Variants in IL2RA observed in about 807,000 individuals in gnomAD.
IL2RA encodes interleukin-2 receptor subunit alpha.
IL2RA carries 24 observed loss-of-function variants against 37.8 expected under a neutral mutation model. The ratio of observed to expected loss-of-function variants is 0.63; its 90% CI spans 0.46 to 0.89. The LOEUF (loss-of-function observed/expected upper bound fraction) is 0.89. IL2RA is among the 40% of genes least tolerant of loss of function. The pLI, the probability that IL2RA is intolerant of heterozygous loss-of-function variation, is 0.00. For synonymous variants in IL2RA, 125 were observed against 114.6 expected (o/e 1.09, Z -0.58); for missense variants, 319 against 348.6 (o/e 0.92, Z 0.68).
intron 1 of IL2RA, among the ~76,000 whole-genome samples, chr10:6,041,065 G>C (rs1262897167): frequency 1.3e-5 from 2 of 151,648 alleles, no homozygotes; most frequent in South Asian, 2.1e-4. Context: ...TTAATTAACT[G>C]TGGACTTTTA....
Position 6,056,601 on chromosome 10 carries a change from A to T in IL2RA, c.64+5487T>A, listed in dbSNP as rs1345880561. 6.6e-6 allele frequency among the ~76,000 whole-genome samples: 1 copy of T among 152,118 alleles called. No individual in the cohort carries two copies. The highest frequency in any genetic ancestry group is 2.4e-5 in the African/African-American group (1 of 41,424). ...AACCCCCTCTCTACTAAAATTACAA[A>T]AAAGGAGCCAGGCATGGTGGTGCAC... On this transcript the variant is annotated intron_variant, in intron 1 of 7. Coordinates refer to ENST00000379959, the MANE Select transcript of IL2RA (RefSeq NM_000417.3). The surrounding 1 kb of genome is among the most constrained non-coding windows in gnomAD (Gnocchi z 5.0).
chr10:6,055,826 CG>C (rs570963738), intron 1 of IL2RA, among the ~76,000 whole-genome samples: 212 of 1,926 alleles, frequency 0.11, 80 homozygotes, highest in African/African-American at 0.44. Flanking sequence ...GCTGGCCGGG[CG>C]GGGGGGCCGA....
rs545039404 is a variant in IL2RA, at chr10:6,022,698, C to T, written c.368-1005G>A. ...GGTCTCAGGATAAAAGGTTGTTTGACAGCCAGTACAATTCGTAACTGTCTG... is the reference window on the plus strand; with the variant it reads ...GGTCTCAGGATAAAAGGTTGTTTGATAGCCAGTACAATTCGTAACTGTCTG... On this transcript the variant is annotated intron_variant, in intron 3 of 7. Transcript: ENST00000379959. The surrounding 1 kb of genome is among the most constrained non-coding windows in gnomAD (Gnocchi z 4.7). Among the ~76,000 whole-genome samples, 1 of 152,356 alleles carries T rather than the reference C, an allele frequency of 6.6e-6. No homozygotes were observed. Among genetic ancestry groups the T allele is most frequent in the East Asian group, 1.9e-4 (1 of 5,190 alleles).
Position 6,012,586 on chromosome 10 carries a change from A to G in IL2RA, c.*286T>C, listed in dbSNP as rs1302918155. 3.7e-6 allele frequency: 2 copies of G among 547,234 alleles called. No individual in the cohort carries two copies. Among genetic ancestry groups the G allele is most frequent in the Admixed American group, 3.1e-5 (1 of 32,380 alleles). The allele number at this position is 547,234 out of a possible 1,614,324, so 33.9% of individuals were successfully genotyped here. A position where few individuals can be genotyped will look rare whatever the true frequency, so the allele number is the denominator to read the frequency against. The stretch of plus-strand genomic sequence containing the variant: ...TTCATGCTTTAATGAACACATATAC[A>G]TGAAAATAAGATGGAGAGTTCTAGT... On this transcript the variant is annotated 3_prime_UTR_variant, in exon 8 of 8. Transcript: ENST00000379959. This position sits in a 1 kb window ranked among gnomAD's most constrained non-coding sequence, Gnocchi z 4.8.
In IL2RA at chr10:6,035,472, G is replaced by C. The variant is rs1301912984; in HGVS notation, c.65-9447C>G. 6.6e-6 allele frequency among the ~76,000 whole-genome samples: 1 copy of C among 152,224 alleles called. No homozygotes were observed. The highest frequency in any genetic ancestry group is 1.5e-5 in the Non-Finnish European group (1 of 68,048). The stretch of plus-strand genomic sequence containing the variant: ...TCTGTTGCACACATGCTTAGTATCT[G>C]TCTCTCCCTTTGTTCCTGAGTGGTG... On this transcript the variant is annotated intron_variant, in intron 1 of 7. Transcript: ENST00000379959. This position sits in a 1 kb window ranked among gnomAD's most constrained non-coding sequence, Gnocchi z 5.4.
chr10:6,031,291 G>C (rs1839570508), intron 1 of IL2RA, among the ~76,000 whole-genome samples: 1 of 151,222 alleles, frequency 6.6e-6, no homozygotes, highest in South Asian at 2.1e-4. Flanking sequence ...AATCTACAAA[G>C]ATAAGCATAA....
At position 6,056,227 on chromosome 10, in the gene IL2RA, G is replaced by A. The variant is rs916768472; in HGVS notation, c.64+5861C>T. Among the ~76,000 whole-genome samples the A allele has an allele frequency of 3.3e-5, 5 of 152,176 alleles. No homozygotes were observed. The highest frequency in any genetic ancestry group is 5.9e-5 in the Non-Finnish European group (4 of 68,038). On this transcript the variant is annotated intron_variant, in intron 1 of 7. Transcript: ENST00000379959. This position sits in a 1 kb window ranked among gnomAD's most constrained non-coding sequence, Gnocchi z 5.0. Reference sequence around the variant, plus strand: ...CCATTCAGCAGCAGTTTCATCTCCCGTGTTAAACTGTGAGCACAAGAGGAT... The same window carrying A: ...CCATTCAGCAGCAGTTTCATCTCCCATGTTAAACTGTGAGCACAAGAGGAT...
chr10:6,051,282 C>G (rs905028164), intron 1 of IL2RA, among the ~76,000 whole-genome samples: 1 of 151,980 alleles, frequency 6.6e-6, no homozygotes, highest in African/African-American at 2.4e-5. Context: ...GTCACGCATG[C>G]AGCCGGGTGT....
chr10:6,013,892 C>T (rs1689917505), intron 7 of IL2RA, among the ~76,000 whole-genome samples: 1 of 145,390 alleles, frequency 6.9e-6, no homozygotes, highest in South Asian at 2.2e-4. Flanking sequence ...AGTGCAGTGG[C>T]ATGGTCACAG....
chr10:6,021,827 A>G lies in IL2RA; in HGVS notation c.368-134T>C. ...TTGCTCATCCTTTCATTCAACCAAT[A>G]TATGTTGAGAACGTCTGAGCGTGGG... On this transcript the variant is annotated intron_variant, in intron 3 of 7. Coordinates refer to ENST00000379959, the MANE Select transcript of IL2RA (RefSeq NM_000417.3). The surrounding 1 kb of genome is among the most constrained non-coding windows in gnomAD (Gnocchi z 4.9). The G allele has an allele frequency of 2.7e-6, 2 of 747,746 alleles. No homozygotes were observed. The highest frequency in any genetic ancestry group is 2.7e-5 in the East Asian group (1 of 37,556). The allele number at this position is 747,746 out of a possible 1,614,324, so 46.3% of individuals were successfully genotyped here. A position where few individuals can be genotyped will look rare whatever the true frequency, so the allele number is the denominator to read the frequency against.
In IL2RA at chr10:6,011,426, A is replaced by G. The variant is rs1296510516; in HGVS notation, c.*1446T>C. 6.6e-6 allele frequency: 1 copy of G among 152,306 alleles called. No homozygotes were observed. The highest frequency in any genetic ancestry group is 1.5e-5 in the Non-Finnish European group (1 of 68,052). 9.4% of individuals were successfully genotyped at this position (152,306 alleles called of 1,614,324 possible). A position where few individuals can be genotyped will look rare whatever the true frequency, so the allele number is the denominator to read the frequency against. On this transcript the variant is annotated 3_prime_UTR_variant, in exon 8 of 8. Coordinates refer to ENST00000379959, the MANE Select transcript of IL2RA (RefSeq NM_000417.3). This position sits in a 1 kb window ranked among gnomAD's most constrained non-coding sequence, Gnocchi z 5.2. ...CACACAAAACATTTGGCTCTATTCC[A>G]GACCAACAACTCAGAGACTCTGAAG...
rs1428384913 is a variant in IL2RA, at chr10:6,022,320, C to T, written c.368-627G>A. ...CCACACCTGAAGGTTGACACACATGCGCCCTTTCAAGACGTCTCAAAATTT... is the reference window on the plus strand; with the variant it reads ...CCACACCTGAAGGTTGACACACATGTGCCCTTTCAAGACGTCTCAAAATTT... On this transcript the variant is annotated intron_variant, in intron 3 of 7. Transcript: ENST00000379959. This position sits in a 1 kb window ranked among gnomAD's most constrained non-coding sequence, Gnocchi z 4.7. Among the ~76,000 whole-genome samples the T allele has an allele frequency of 6.6e-6, 1 of 152,170 alleles. No homozygotes were observed. The highest frequency in any genetic ancestry group is 6.5e-5 in the Admixed American group (1 of 15,278).
In IL2RA at chr10:6,021,743, A is replaced by G. The variant is rs778438730; in HGVS notation, c.368-50T>C. 3 of 1,505,690 alleles carry G rather than the reference A, an allele frequency of 2.0e-6. No homozygotes were observed. In the African/African-American group the frequency reaches 4.1e-5, roughly 21 times the overall value. 93.3% of individuals were successfully genotyped at this position (1,505,690 alleles called of 1,614,324 possible). A position where few individuals can be genotyped will look rare whatever the true frequency, so the allele number is the denominator to read the frequency against. On this transcript the variant is annotated intron_variant, in intron 3 of 7. Transcript: ENST00000379959. This position sits in a 1 kb window ranked among gnomAD's most constrained non-coding sequence, Gnocchi z 4.9. ...AAGGCAAGTTGGGGACAGCACCGCG[A>G]GTGAGTCCAGGTTGCCTCTTGCTAG...
rs1839203540 is a variant in IL2RA at position 6,012,371 on chromosome 10, A to C, written c.*501T>G. ...ATTAGGCAACGTGAACGGGAGAATC[A>C]GCAGTCAGAAGCGGCTGAGAAAGGA... On this transcript the variant is annotated 3_prime_UTR_variant, in exon 8 of 8. Coordinates refer to ENST00000379959, the MANE Select transcript of IL2RA (RefSeq NM_000417.3). The surrounding 1 kb of genome is among the most constrained non-coding windows in gnomAD (Gnocchi z 4.8). 6.2e-6 allele frequency: 1 copy of C among 161,944 alleles called. No homozygotes were observed. 10.0% of individuals were successfully genotyped at this position (161,944 alleles called of 1,614,324 possible). A position where few individuals can be genotyped will look rare whatever the true frequency, so the allele number is the denominator to read the frequency against.
Position 6,021,428 on chromosome 10 carries a change from G to T in IL2RA, c.583+50C>A. On this transcript the variant is annotated intron_variant, in intron 4 of 7. Coordinates refer to ENST00000379959, the MANE Select transcript of IL2RA (RefSeq NM_000417.3). The surrounding 1 kb of genome is among the most constrained non-coding windows in gnomAD (Gnocchi z 4.9). ...GTGGTCAGGGATTCCACTCTGGTCA[G>T]CCTGATGGAGCAAAGCAACATTGTG... 2 of 1,489,150 alleles carry T rather than the reference G, an allele frequency of 1.3e-6. No individual in the cohort carries two copies. The highest frequency in any genetic ancestry group is 1.9e-6 in the Non-Finnish European group (2 of 1,067,924). 92.2% of individuals were successfully genotyped at this position (1,489,150 alleles called of 1,614,324 possible). A position where few individuals can be genotyped will look rare whatever the true frequency, so the allele number is the denominator to read the frequency against.
rs2132854805 is a variant in IL2RA at position 6,022,224 on chromosome 10, A to G, written c.368-531T>C. Among the ~76,000 whole-genome samples the G allele has an allele frequency of 6.6e-6, 1 of 152,216 alleles. No individual in the cohort carries two copies. The highest frequency in any genetic ancestry group is 1.9e-4 in the East Asian group (1 of 5,182). On this transcript the variant is annotated intron_variant, in intron 3 of 7. Transcript: ENST00000379959. The surrounding 1 kb of genome is among the most constrained non-coding windows in gnomAD (Gnocchi z 4.7). The stretch of plus-strand genomic sequence containing the variant: ...TGGGATGATGTCGGAAGGATTGGGG[A>G]CAACACCAAAGCCAGGAGGAGGGAC...
At chr10:6,040,481 G>T (rs1372703087) in intron 1 of IL2RA, among the ~76,000 whole-genome samples, 1 of 152,126 alleles carries the variant, frequency 6.6e-6, no homozygotes, top group Non-Finnish European at 1.5e-5. Context: ...ATTTTTGATG[G>T]TTGTTGCCTG....
In IL2RA at chr10:6,012,944, A is replaced by G. The variant is rs1344965171; in HGVS notation, c.795-48T>C. On this transcript the variant is annotated intron_variant, in intron 7 of 7. Coordinates refer to ENST00000379959, the MANE Select transcript of IL2RA (RefSeq NM_000417.3). The surrounding 1 kb of genome is among the most constrained non-coding windows in gnomAD (Gnocchi z 4.8). ...CGGTCATATGTGTAACACGGCACCA[A>G]AAAAATGTGGTCCTCACTCTAAACC... 6.3e-7 allele frequency: 1 copy of G among 1,597,382 alleles called. No individual in the cohort carries two copies. Among genetic ancestry groups the G allele is most frequent in the Admixed American group, 1.7e-5 (1 of 59,838 alleles).
rs149273406 is a variant in IL2RA at position 6,047,137 on chromosome 10, C to T, written c.64+14951G>A. Among the ~76,000 whole-genome samples the T allele has an allele frequency of 3.7e-3, 561 of 152,298 alleles. 4 individuals carry two copies. The highest frequency in any genetic ancestry group is 6.5e-3 in the Non-Finnish European group (443 of 68,024). ...GACCCTCAAATCCCTGCATGCCCTG[C>T]GCATGCCCTAACCCTGAGGAGGTGC... On this transcript the variant is annotated intron_variant, in intron 1 of 7. Transcript: ENST00000379959. The surrounding 1 kb of genome is among the most constrained non-coding windows in gnomAD (Gnocchi z 5.0).
Sources: allele counts gnomAD v4.1 joint callset (sites outside exome capture counted in the v4.1 genomes callset), GRCh38; gene constraint gnomAD v4.1.1; non-coding constraint Gnocchi (gnomAD v3.1); transcripts MANE v1.5; gene names NCBI Gene and HGNC (gene_info 2026-07-23, HGNC 2026-07-21).